The following KCNQ4 variants were observed in gnomAD, a reference collection of about 807,000 sequenced individuals.
KCNQ4 encodes potassium voltage-gated channel subfamily KQT member 4.
Under a neutral mutation model 72.6 loss-of-function variants are expected in KCNQ4, and 31 were observed. The observed-to-expected ratio is 0.43, with a 90% CI of 0.32 to 0.58. KCNQ4 has a LOEUF of 0.58. Among genes scored for constraint, KCNQ4 ranks in the 20% least tolerant of loss-of-function variants. KCNQ4 has a pLI of 0.08. For missense variants in KCNQ4, 869 were observed against 962.6 expected (o/e 0.90, Z 1.29); for synonymous variants, 405 against 403.7 (o/e 1.00, Z -0.04).
chr1:40,826,791 G>T, intron 9 of KCNQ4: 1 of 389,790 alleles, frequency 2.6e-6, no homozygotes. Context: ...CAAGGTGCAT[G>T]TGCCTGCCGC....
Position 40,805,902 on chromosome 1 carries a change from C to T in KCNQ4, c.315-11363C>T, listed in dbSNP as rs1043416099. Among the ~76,000 whole-genome samples, 3 of 151,900 alleles carry T rather than the reference C, an allele frequency of 2.0e-5. No homozygotes were observed. The East Asian group carries it at 5.8e-4, about 29-fold the overall frequency. ...TGTCGCCCAGGCTGGAGTGCAGTGG[C>T]GCAATCTCGGCTCACTGCAGGCTCC... On this transcript the variant is annotated intron_variant, in intron 1 of 13. Coordinates refer to ENST00000347132, the MANE Select transcript of KCNQ4 (RefSeq NM_004700.4).
intron 1 of KCNQ4, among the ~76,000 whole-genome samples, chr1:40,814,810 TG>T (rs1278573855): frequency 3.3e-5 from 5 of 152,220 alleles, no homozygotes; most frequent in African/African-American, 1.2e-4. Context: ...TTGCTGACTC[TG>T]GGTACGTGTG....
chr1:40,824,256 A>G lies in KCNQ4; in HGVS notation c.1290A>G (p.Glu430=). 6.2e-7 allele frequency: 1 copy of G among 1,607,444 alleles called. No homozygotes were observed. Among genetic ancestry groups the G allele is most frequent in the Non-Finnish European group, 8.5e-7 (1 of 1,178,018 alleles). ...GCAGCACCTCCTTCTGCCCTGGGGA[A>G]AGGTAGGGGCCCCGTGGGGCTGCCA... ...RPGSTSFCPG[E]SSRMGIKDRI... Residue 430 remains glutamate, a splice_region_variant and synonymous_variant, in exon 9 of 14, where the codon GAA becomes GAG. Coordinates refer to ENST00000347132, the MANE Select transcript of KCNQ4 (RefSeq NM_004700.4).
chr1:40,831,241 A>G lies in KCNQ4; in HGVS notation c.1450A>G (p.Ser484Gly). The change falls in exon 10 of 14, where the codon AGC becomes GGC. Residue 484 changes from serine to glycine, a missense_variant. Coordinates refer to ENST00000347132, the MANE Select transcript of KCNQ4 (RefSeq NM_004700.4). Reference protein sequence around the residue: ...TSPTKVQKSWSFNDRTRFRAS... With the variant: ...TSPTKVQKSWGFNDRTRFRAS... ...CCCCACCAAGGTGCAAAAGAGCTGG[A>G]GCTTCAATGACCGCACCCGCTTCCG... is the stretch of plus-strand genomic sequence containing the variant. The G allele has an allele frequency of 8.7e-6, 14 of 1,609,746 alleles. No individual in the cohort carries two copies. The highest frequency in any genetic ancestry group is 1.2e-5 in the Non-Finnish European group (14 of 1,178,194).
At chr1:40,834,262 C>T (rs1191743309) in intron 11 of KCNQ4, among the ~76,000 whole-genome samples, 1 of 152,180 alleles carries the variant, frequency 6.6e-6, no homozygotes, top group African/African-American at 2.4e-5. Flanking sequence ...GTGGCACCAC[C>T]ATCCACTTGG....
rs1364593391 is a variant in KCNQ4 at position 40,837,795 on chromosome 1, G to T, written c.1875+1G>T. On this transcript the variant is annotated splice_donor_variant, in intron 13 of 13. Coordinates refer to ENST00000347132, the MANE Select transcript of KCNQ4 (RefSeq NM_004700.4). LOFTEE classifies it high-confidence loss of function. ...ACGCGTGGTCAAGGTGGAGAAGCAG[G>T]TGAGTGTAGGATGGGGTGGCGGAGC... 3.1e-6 allele frequency: 5 copies of T among 1,606,774 alleles called. No homozygotes were observed. Among genetic ancestry groups the T allele is most frequent in the Non-Finnish European group, 4.2e-6 (5 of 1,177,216 alleles).
intron 9 of KCNQ4, among the ~76,000 whole-genome samples, chr1:40,827,574 G>A (rs1027574004): frequency 1.8e-4 from 28 of 152,212 alleles, no homozygotes; most frequent in African/African-American, 6.5e-4. Flanking sequence ...TTGGCAGCCT[G>A]AGCTCATGGA....
chr1:40,820,361 C>A, intron 7 of KCNQ4, 101 bp downstream of exon 7: 2 of 1,006,948 alleles, frequency 2.0e-6, no homozygotes, highest in Admixed American at 2.0e-5. Flanking sequence ...AACTGTGACA[C>A]CACTTTGAAG....
rs2148830852 is a variant in KCNQ4 at position 40,784,496 on chromosome 1, A to C, written c.314+89A>C. 1 of 1,310,656 alleles carries C rather than the reference A, an allele frequency of 7.6e-7. No homozygotes were observed. Among genetic ancestry groups the C allele is most frequent in the East Asian group, 2.4e-5 (1 of 42,298 alleles). The allele number at this position is 1,310,656 out of a possible 1,614,324, so 81.2% of individuals were successfully genotyped here. A position where few individuals can be genotyped will look rare whatever the true frequency, so the allele number is the denominator to read the frequency against. On this transcript the variant is annotated intron_variant, in intron 1 of 13. Coordinates refer to ENST00000347132, the MANE Select transcript of KCNQ4 (RefSeq NM_004700.4). The surrounding 1 kb of genome is among the most constrained non-coding windows in gnomAD (Gnocchi z 4.1). Reference sequence around the variant, plus strand: ...CCGCCCCGCCCTGGCTCCGCCTTCTACCCCCCTGCCTCAGGGCCGACCCTC... The same window carrying C: ...CCGCCCCGCCCTGGCTCCGCCTTCTCCCCCCCTGCCTCAGGGCCGACCCTC...
intron 1 of KCNQ4, among the ~76,000 whole-genome samples, chr1:40,805,987 G>A (rs950646564): frequency 6.6e-6 from 1 of 152,084 alleles, no homozygotes; most frequent in Admixed American, 6.5e-5. Flanking sequence ...GACTACAGGC[G>A]CCCACCACCA....
At chr1:40,808,413 A>G (rs1263353759) in intron 1 of KCNQ4, among the ~76,000 whole-genome samples, 1 of 152,220 alleles carries the variant, frequency 6.6e-6, no homozygotes, top group Non-Finnish European at 1.5e-5. Flanking sequence ...CTGAAGAGCC[A>G]TCCTCGCTGC....
chr1:40,805,075 T>C (rs1229157112), intron 1 of KCNQ4: 2 of 151,998 alleles, frequency 1.3e-5, no homozygotes, highest in Non-Finnish European at 2.9e-5. Context: ...TGTTGACCAG[T>C]AGTGGGATCA....
chr1:40,816,342 C>T (rs1162439582), intron 1 of KCNQ4, among the ~76,000 whole-genome samples: 1 of 152,162 alleles, frequency 6.6e-6, no homozygotes, highest in African/African-American at 2.4e-5. Context: ...GACCTCTCAC[C>T]TCGCTCTCCT....
chr1:40,800,530 A>G (rs963826173), intron 1 of KCNQ4, among the ~76,000 whole-genome samples: 2 of 152,050 alleles, frequency 1.3e-5, no homozygotes, highest in Non-Finnish European at 1.5e-5. Flanking sequence ...GCTTGCATCA[A>G]TCCTCCTTCC....
chr1:40,785,371 C>A (rs1002283314), intron 1 of KCNQ4, among the ~76,000 whole-genome samples: 4 of 152,180 alleles, frequency 2.6e-5, no homozygotes, highest in Non-Finnish European at 5.9e-5. Flanking sequence ...CTCAGAGGTG[C>A]CCAGAGAGAG....
intron 8 of KCNQ4, among the ~76,000 whole-genome samples, 158 bp downstream of exon 8, chr1:40,822,560 G>A (rs542770358): frequency 3.9e-5 from 6 of 152,292 alleles, no homozygotes; most frequent in African/African-American, 1.4e-4. Flanking sequence ...TCAGAGCCTG[G>A]AGTGTCCTTT....
At position 40,830,314 on chromosome 1, in the gene KCNQ4, G is replaced by A. The variant is rs1257183357; in HGVS notation, c.1293-770G>A. Among the ~76,000 whole-genome samples the A allele has an allele frequency of 3.9e-5, 6 of 152,300 alleles. No individual in the cohort carries two copies. The East Asian group carries it at 5.8e-4, about 15-fold the overall frequency. On this transcript the variant is annotated intron_variant, in intron 9 of 13. Transcript: ENST00000347132. ...CAGCAGCTAGAACCATGGGGCCGAG[G>A]CCCTCAGTAGGCCATCACGCTGCAC...
At chr1:40,806,133 G>T (rs188692825) in intron 1 of KCNQ4, among the ~76,000 whole-genome samples, 3 of 152,196 alleles carry the variant, frequency 2.0e-5, no homozygotes, top group Admixed American at 2.0e-4. Flanking sequence ...GAGCCACCGC[G>T]CCCGGCCTCA....
At position 40,818,539 on chromosome 1, in the gene KCNQ4, C is replaced by T; in HGVS notation, c.567C>T (p.Ile189=). ...FIVFVASVAV[I]AAGTQGNIFA... is the part of the protein sequence containing the mutation. ...TGTTCGTGGCCTCGGTGGCCGTCAT[C>T]GCCGCGGGTACCCAGGGCAACATCT... Residue 189 remains isoleucine, a synonymous_variant, in exon 4 of 14, where the codon ATC becomes ATT. Coordinates refer to ENST00000347132, the MANE Select transcript of KCNQ4 (RefSeq NM_004700.4). 1 of 1,602,838 alleles carries T rather than the reference C, an allele frequency of 6.2e-7. No individual in the cohort carries two copies. Among genetic ancestry groups the T allele is most frequent in the Non-Finnish European group, 8.5e-7 (1 of 1,179,870 alleles).
Sources: allele counts gnomAD v4.1 joint callset (sites outside exome capture counted in the v4.1 genomes callset), GRCh38; gene constraint gnomAD v4.1.1; non-coding constraint Gnocchi (gnomAD v3.1); transcripts MANE v1.5; gene names NCBI Gene and HGNC (gene_info 2026-07-23, HGNC 2026-07-21).